MTA1: variants seen among roughly 807,000 people sequenced by gnomAD.
MTA1 encodes metastasis associated 1, also known as metastasis-associated protein MTA1.
A neutral mutation model predicts 97.0 loss-of-function variants in MTA1; 15 were observed. The observed-to-expected ratio is 0.15, with a 90% CI of 0.10 to 0.24. MTA1 has a LOEUF of 0.24. MTA1 is among the 10% of genes least tolerant of loss of function. The pLI is 1.00. For synonymous variants in MTA1, 435 were observed against 417.5 expected (o/e 1.04, Z -0.51); for missense variants, 709 against 1,015.1 (o/e 0.70, Z 4.10).
chr14:105,420,000 C>A lies in MTA1; in HGVS notation c.-36C>A. ...CCGGCCGCCCGCGCCGAGCGCCGCG[C>A]CCGCCCCGGGCCCCTCCGCCGCCGC... On this transcript the variant is annotated 5_prime_UTR_variant, in exon 1 of 21. Coordinates refer to ENST00000331320, the MANE Select transcript of MTA1 (RefSeq NM_004689.4). 9.8e-7 allele frequency: 1 copy of A among 1,018,284 alleles called. No individual in the cohort carries two copies. Among genetic ancestry groups the A allele is most frequent in the South Asian group, 4.3e-5 (1 of 23,298 alleles). 63.1% of individuals were successfully genotyped at this position (1,018,284 alleles called of 1,614,324 possible).
chr14:105,464,200 G>T (rs2083472523), intron 13 of MTA1, 53 bp downstream of exon 13: 2 of 1,564,720 alleles, frequency 1.3e-6, no homozygotes, highest in Admixed American at 3.7e-5. Context: ...GTGGGCCGTG[G>T]TGCCTGCGTT....
In MTA1 at chr14:105,466,635, G is replaced by C. The variant is rs900042859; in HGVS notation, c.1777+57G>C. 6.3e-6 allele frequency: 10 copies of C among 1,580,158 alleles called. No individual in the cohort carries two copies. In the African/African-American group the frequency reaches 1.2e-4, roughly 19 times the overall value. ...CCTCCCCGCCCGGTGAGTCCGGCCCGTCCCCGCCCGGGCACCCGCCGTGCG... is the reference window on the plus strand; with the variant it reads ...CCTCCCCGCCCGGTGAGTCCGGCCCCTCCCCGCCCGGGCACCCGCCGTGCG... On this transcript the variant is annotated intron_variant, in intron 17 of 20. Transcript: ENST00000331320.
At chr14:105,454,964 G>A (rs2083086596) in intron 7 of MTA1, among the ~76,000 whole-genome samples, 1 of 151,654 alleles carries the variant, frequency 6.6e-6, no homozygotes, top group Admixed American at 6.6e-5. Context: ...GGAATGCAGT[G>A]GTGCAATCAC....
intron 6 of MTA1, among the ~76,000 whole-genome samples, chr14:105,452,116 G>T (rs1430834420): frequency 2.0e-5 from 3 of 152,064 alleles, no homozygotes; most frequent in African/African-American, 7.2e-5. Flanking sequence ...TCTTACCTGG[G>T]GTTTCTGAAC....
In MTA1 at chr14:105,463,136, C is replaced by T. The variant is rs587703576; in HGVS notation, c.943-48C>T. ...CCCTGCCCCTGCCTGCATGGTGTGC[C>T]TGCCTCCTGCCCCTTCCTGCTTGTG... On this transcript the variant is annotated intron_variant, in intron 10 of 20. Coordinates refer to ENST00000331320, the MANE Select transcript of MTA1 (RefSeq NM_004689.4). This position sits in a 1 kb window ranked among gnomAD's most constrained non-coding sequence, Gnocchi z 5.9. 1.0e-4 allele frequency: 160 copies of T among 1,581,384 alleles called. 1 individual carries two copies. In the South Asian group the frequency reaches 1.7e-3, roughly 16 times the overall value.
At chr14:105,467,527 C>T (rs1555433217) in intron 18 of MTA1, 1 of 455,158 alleles carries the variant, frequency 2.2e-6, no homozygotes, top group Non-Finnish European at 4.4e-6. Flanking sequence ...GGTCAGCACG[C>T]CGGCTGCAGC....
At chr14:105,432,797 T>C (rs1016444886) in intron 1 of MTA1, among the ~76,000 whole-genome samples, 2 of 152,116 alleles carry the variant, frequency 1.3e-5, no homozygotes, top group African/African-American at 4.8e-5. Context: ...TGTCAAGAGG[T>C]AAAATGAGAG....
chr14:105,468,076 G>A (rs1213824708), intron 18 of MTA1: 1 of 353,850 alleles, frequency 2.8e-6, no homozygotes, highest in Non-Finnish European at 5.6e-6. Context: ...CCTGGGCGCT[G>A]GAGAGGGGCC....
intron 6 of MTA1, 118 bp downstream of exon 6, chr14:105,450,442 G>A (rs1457785676): frequency 1.7e-6 from 2 of 1,181,166 alleles, no homozygotes; most frequent in African/African-American, 3.1e-5. Flanking sequence ...CTAGGCCCAG[G>A]CTGTTCTGGG....
In MTA1 at chr14:105,469,504, A is replaced by T. The variant is rs1555433796; in HGVS notation, c.1845+6A>T. 2 of 1,612,512 alleles carry T rather than the reference A, an allele frequency of 1.2e-6. No homozygotes were observed. Among genetic ancestry groups the T allele is most frequent in the East Asian group, 4.5e-5 (2 of 44,872 alleles). The stretch of plus-strand genomic sequence containing the variant: ...ACGGACAGGCCAGGCACATGGTAAG[A>T]GGAACAACCCATGATGGGGTACGGT... On this transcript the variant is annotated splice_donor_region_variant and intron_variant, in intron 19 of 20. Coordinates refer to ENST00000331320, the MANE Select transcript of MTA1 (RefSeq NM_004689.4).
At chr14:105,465,051 C>T in intron 15 of MTA1, 43 bp from the exon 16 acceptor site, 1 of 1,475,580 alleles carries the variant, frequency 6.8e-7, no homozygotes, top group East Asian at 2.5e-5. Context: ...TCCCGTGCTC[C>T]CCTGGGGGTG....
At chr14:105,460,145 CCCA>C in intron 8 of MTA1, among the ~76,000 whole-genome samples, 1 of 116,140 alleles carries the variant, frequency 8.6e-6, no homozygotes. Flanking sequence ...GTCCGTGCTG[CCCA>C]TGGCCCCTGG....
intron 18 of MTA1, chr14:105,467,529 G>A (rs868963587): frequency 8.8e-6 from 4 of 455,212 alleles, no homozygotes; most frequent in South Asian, 4.7e-5. Context: ...TCAGCACGCC[G>A]GCTGCAGCGC....
intron 18 of MTA1, 34 bp from the exon 19 acceptor site, chr14:105,469,433 C>G: frequency 6.2e-7 from 1 of 1,611,910 alleles, no homozygotes; most frequent in Non-Finnish European, 8.5e-7. Flanking sequence ...CGCGCTCTCT[C>G]GGGGCCTCAT....
chr14:105,443,190 A>G (rs4983625), intron 2 of MTA1, among the ~76,000 whole-genome samples: 147,218 of 152,162 alleles, frequency 0.97, 71,394 homozygotes, highest in East Asian at 1. Flanking sequence ...GTCAGGCCAC[A>G]TTGGATCATG....
intron 2 of MTA1, among the ~76,000 whole-genome samples, chr14:105,443,394 C>T (rs1050290686): frequency 2.0e-5 from 3 of 152,154 alleles, no homozygotes; most frequent in Non-Finnish European, 2.9e-5. Context: ...TTTTTTGAAA[C>T]AAGGTCTTGC....
At chr14:105,467,390 C>T (rs1189774765) in intron 18 of MTA1, 3 of 455,394 alleles carry the variant, frequency 6.6e-6, no homozygotes, top group African/African-American at 2.0e-5. Context: ...CGGTGCTGGC[C>T]AGGGCAGCAG....
At position 105,469,884 on chromosome 14, in the gene MTA1, C is replaced by A; in HGVS notation, c.1889C>A (p.Thr630Asn). The A allele has an allele frequency of 6.2e-7, 1 of 1,611,002 alleles. No homozygotes were observed. Among genetic ancestry groups the A allele is most frequent in the Non-Finnish European group, 8.5e-7 (1 of 1,179,222 alleles). Residue 630 changes from threonine (T) to asparagine (N), a missense_variant, in exon 20 of 21, where the codon ACC becomes AAC. Physicochemically the swap from Thr to Asn is moderately conservative, Grantham distance 65. This residue lies in a region of MTA1 where 388 missense variants were observed against 421.6 expected (regional missense o/e 0.92). Coordinates refer to ENST00000331320, the MANE Select transcript of MTA1 (RefSeq NM_004689.4). ...CTGCTCAACGGGAAGTCCTACCCCA[C>A]CAAAGTGCGCCTGATCCGGGGGGGC... is the stretch of plus-strand genomic sequence containing the variant. Reference protein sequence around the residue: ...NLLLNGKSYPTKVRLIRGGSL... With the variant: ...NLLLNGKSYPNKVRLIRGGSL...
At chr14:105,453,558 C>G (rs1200784532) in intron 6 of MTA1, among the ~76,000 whole-genome samples, 1 of 152,108 alleles carries the variant, frequency 6.6e-6, no homozygotes, top group Non-Finnish European at 1.5e-5. Context: ...GCCAGTAATT[C>G]CAGCACTTTG....
Sources: allele counts gnomAD v4.1 joint callset (sites outside exome capture counted in the v4.1 genomes callset), GRCh38; gene constraint gnomAD v4.1.1; regional missense constraint gnomAD v4.1.1; non-coding constraint Gnocchi (gnomAD v3.1); transcripts MANE v1.5; gene names NCBI Gene and HGNC (gene_info 2026-07-23, HGNC 2026-07-21).